Variants in ZDHHC2 observed in about 807,000 individuals in gnomAD.
ZDHHC2 encodes palmitoyltransferase ZDHHC2.
Under a neutral mutation model 55.6 loss-of-function variants are expected in ZDHHC2, and 51 were observed. That is an observed-to-expected ratio of 0.92 (90% confidence interval 0.73 to 1.16). ZDHHC2 has a LOEUF of 1.16. Among genes scored for constraint, ZDHHC2 ranks in the 50% most tolerant of loss-of-function variants. The pLI is 0.00. For missense variants in ZDHHC2, 491 were observed against 442.4 expected (o/e 1.11, Z -0.99); for synonymous variants, 199 against 152.9 (o/e 1.30, Z -2.22).
chr8:17,223,594 ACAAAGATACCATTAGAATTTTCT>A lies in ZDHHC2; in HGVS notation c.*3376_*3398del. On this transcript the variant is annotated 3_prime_UTR_variant, in exon 13 of 13. Transcript: ENST00000262096. Reference sequence around the variant, plus strand: ...TACATACCTGAAGTATTACTCTTTTACAAAGATACCATTAGAATTTTCTCACTGTCTTGGTAAAAATTCCTAGA... The same window carrying A: ...TACATACCTGAAGTATTACTCTTTTACACTGTCTTGGTAAAAATTCCTAGA... 1 of 151,872 alleles carries A rather than the reference ACAAAGATACCATTAGAATTTTCT, an allele frequency of 6.6e-6. No individual in the cohort carries two copies. Among genetic ancestry groups the A allele is most frequent in the Non-Finnish European group, 1.5e-5 (1 of 67,792 alleles). 9.4% of individuals were successfully genotyped at this position (151,872 alleles called of 1,614,324 possible).
chr8:17,201,431 G>A (rs1806756765), intron 6 of ZDHHC2, among the ~76,000 whole-genome samples: 1 of 143,032 alleles, frequency 7.0e-6, no homozygotes, highest in Non-Finnish European at 1.5e-5. Context: ...TCACTTATAG[G>A]ACTTTTAGGA....
At chr8:17,190,951 CTTTTTT>C (rs10601402) in intron 3 of ZDHHC2, among the ~76,000 whole-genome samples, 2 of 52,760 alleles carry the variant, frequency 3.8e-5, no homozygotes, top group Non-Finnish European at 6.8e-5. Flanking sequence ...CTTATTCATT[CTTTTTT>C]TTTTTTTTTT....
chr8:17,193,605 C>G (rs1315368359), intron 3 of ZDHHC2, among the ~76,000 whole-genome samples: 1 of 152,240 alleles, frequency 6.6e-6, no homozygotes, highest in Non-Finnish European at 1.5e-5. Flanking sequence ...GTCAGCCAGG[C>G]TTGGGTCCTT....
intron 6 of ZDHHC2, among the ~76,000 whole-genome samples, chr8:17,199,577 T>TTCTTCGTCTTTG (rs1806587350): frequency 1.2e-4 from 5 of 42,002 alleles, no homozygotes; most frequent in Admixed American, 3.5e-4. Flanking sequence ...CGTCTTTGTC[T>TTCTTCGTCTTTG]TCTTCTTCTT....
intron 3 of ZDHHC2, among the ~76,000 whole-genome samples, chr8:17,193,287 A>G (rs1435297488): frequency 1.3e-5 from 2 of 152,168 alleles, no homozygotes; most frequent in Admixed American, 1.3e-4. Context: ...AGACTGGTAG[A>G]TGTGTACTGC....
At chr8:17,159,500 TAGTGCTTA>T (rs1347159112) in intron 1 of ZDHHC2, among the ~76,000 whole-genome samples, 1 of 152,150 alleles carries the variant, frequency 6.6e-6, no homozygotes, top group Non-Finnish European at 1.5e-5. Flanking sequence ...AATTTAGGAG[TAGTGCTTA>T]TCCTGGTATC....
chr8:17,200,403 T>G (rs1352038047), intron 6 of ZDHHC2, among the ~76,000 whole-genome samples: 2 of 152,246 alleles, frequency 1.3e-5, no homozygotes, highest in Non-Finnish European at 2.9e-5. Context: ...TCTCAGAGTC[T>G]GCTTTGGGGT....
At chr8:17,183,209 G>A (rs956606017) in intron 1 of ZDHHC2, among the ~76,000 whole-genome samples, 4 of 152,302 alleles carry the variant, frequency 2.6e-5, no homozygotes, top group Middle Eastern at 6.8e-3. Flanking sequence ...ATGCACAAAT[G>A]GAGTCAAATT....
intron 1 of ZDHHC2, among the ~76,000 whole-genome samples, chr8:17,178,995 G>T (rs1292876400): frequency 6.6e-6 from 1 of 152,082 alleles, no homozygotes; most frequent in Non-Finnish European, 1.5e-5. Context: ...CTGTTGCCCA[G>T]GCTTGAATGC....
Position 17,210,342 on chromosome 8 carries a change from G to T in ZDHHC2, c.858-46G>T, listed in dbSNP as rs374791606. The T allele has an allele frequency of 2.5e-6, 4 of 1,572,474 alleles. No homozygotes were observed. In the African/African-American group the frequency reaches 4.1e-5, roughly 16 times the overall value. Reference sequence around the variant, plus strand: ...CAGCATTTTGGCAGGGTTTCACTCCGTTGTCTTTTGTATGGTTCAGTTCTA... The same window carrying T: ...CAGCATTTTGGCAGGGTTTCACTCCTTTGTCTTTTGTATGGTTCAGTTCTA... On this transcript the variant is annotated intron_variant, in intron 9 of 12. Coordinates refer to ENST00000262096, the MANE Select transcript of ZDHHC2 (RefSeq NM_016353.5).
chr8:17,217,371 C>T, intron 12 of ZDHHC2, 125 bp downstream of exon 12: 2 of 700,816 alleles, frequency 2.9e-6, no homozygotes, highest in South Asian at 4.0e-5. Flanking sequence ...TTTTACCTGA[C>T]TTGTGAGATT....
At chr8:17,214,103 G>A (rs1009679020) in intron 10 of ZDHHC2, among the ~76,000 whole-genome samples, 4 of 151,370 alleles carry the variant, frequency 2.6e-5, no homozygotes, top group African/African-American at 9.7e-5. Flanking sequence ...TTTTTCTTTT[G>A]AATACTGTTA....
At position 17,169,800 on chromosome 8, in the gene ZDHHC2, G is replaced by A. The variant is rs143324544; in HGVS notation, c.130+12947G>A. ...ACCTGAGATGCAGTTTACACATGGAGCAGAGGAAGAGACTCATTCCAAATA... is the reference window on the plus strand; with the variant it reads ...ACCTGAGATGCAGTTTACACATGGAACAGAGGAAGAGACTCATTCCAAATA... On this transcript the variant is annotated intron_variant, in intron 1 of 12. Coordinates refer to ENST00000262096, the MANE Select transcript of ZDHHC2 (RefSeq NM_016353.5). Among the ~76,000 whole-genome samples the A allele has an allele frequency of 1.5e-3, 231 of 152,312 alleles. 1 individual carries two copies. Among genetic ancestry groups the A allele is most frequent in the African/African-American group, 5.4e-3 (225 of 41,554 alleles).
chr8:17,189,649 A>T (rs181017833), intron 3 of ZDHHC2, among the ~76,000 whole-genome samples: 49 of 152,308 alleles, frequency 3.2e-4, no homozygotes, highest in African/African-American at 1.1e-3. Context: ...TGAAGACCTA[A>T]GTGGGTTAAT....
chr8:17,174,274 T>A (rs577923785), intron 1 of ZDHHC2, among the ~76,000 whole-genome samples: 62 of 152,118 alleles, frequency 4.1e-4, no homozygotes, highest in East Asian at 7.7e-4. Flanking sequence ...TTAAAAAAAA[T>A]TTTTTATCTC....
At chr8:17,167,479 C>T (rs892207538) in intron 1 of ZDHHC2, among the ~76,000 whole-genome samples, 4 of 151,754 alleles carry the variant, frequency 2.6e-5, no homozygotes, top group African/African-American at 9.7e-5. Context: ...CTAATTTTTC[C>T]ATTTTTGTAG....
At position 17,215,288 on chromosome 8, in the gene ZDHHC2, C is replaced by A; in HGVS notation, c.1002C>A (p.His334Gln). 1 of 1,602,194 alleles carries A rather than the reference C, an allele frequency of 6.2e-7. No individual in the cohort carries two copies. The highest frequency in any genetic ancestry group is 1.1e-5 in the South Asian group (1 of 88,250). Residue 334 changes from histidine (H) to glutamine (Q), a missense_variant, in exon 11 of 13, where the codon CAC (histidine) becomes CAA (glutamine). Coordinates refer to ENST00000262096, the MANE Select transcript of ZDHHC2 (RefSeq NM_016353.5). ...AGCCATTGAGAGAGTCCCAGAGCCA[C>A]CTTCTTACTGATTCTCAGTCTTGGA... ...PAKPLRESQSHLLTDSQSWTE... is the reference protein window; with the variant it reads ...PAKPLRESQSQLLTDSQSWTE...
intron 6 of ZDHHC2, among the ~76,000 whole-genome samples, chr8:17,202,746 C>CAT: frequency 6.9e-6 from 1 of 145,768 alleles, no homozygotes; most frequent in East Asian, 2.0e-4. Context: ...CACACACACA[C>CAT]ACACACACAT....
chr8:17,206,062 G>T (rs1807088825), intron 7 of ZDHHC2, among the ~76,000 whole-genome samples: 1 of 152,124 alleles, frequency 6.6e-6, no homozygotes, highest in Non-Finnish European at 1.5e-5. Flanking sequence ...CGATGCTTTT[G>T]CCTTCTTGCT....
Sources: gnomAD v4.1 joint callset for allele counts (sites outside exome capture counted in the v4.1 genomes callset) on GRCh38, gnomAD v4.1.1 for gene constraint, MANE v1.5 for transcripts, NCBI Gene and HGNC (gene_info 2026-07-23, HGNC 2026-07-21) for gene names.